MYO16: variants seen among roughly 807,000 people sequenced by gnomAD.
MYO16 encodes the protein myosin XVI.
In MYO16, 94 loss-of-function variants were observed where a neutral mutation model predicts 205.3. The observed-to-expected ratio is 0.46, with a 90% CI of 0.39 to 0.54. The LOEUF (loss-of-function observed/expected upper bound fraction) is 0.54, where lower values mean the gene tolerates loss of function less well. Ranked by LOEUF, MYO16 falls within the 20% of genes least tolerant of loss-of-function variation. MYO16 has a pLI of 0.00. For missense variants in MYO16, 2,315 were observed against 2,387.5 expected, an observed-to-expected ratio of 0.97 and a Z score of 0.63; for synonymous variants, 988 against 954.0, an observed-to-expected ratio of 1.04 and a Z score of -0.66.
At chr13:108,799,813 C>T (rs1348515372) in intron 6 of MYO16, among the ~76,000 whole-genome samples, 1 of 152,094 alleles carries the variant, frequency 6.6e-6, no homozygotes, top group Non-Finnish European at 1.5e-5. Flanking sequence ...TATTTTTCCT[C>T]TTGGCGCTTT....
chr13:108,575,051 G>T, the MYO16 span, among the ~76,000 whole-genome samples: 7 of 152,210 alleles, frequency 4.6e-5, no homozygotes, highest in East Asian at 1.4e-3. Flanking sequence ...CTAGTATAAG[G>T]TGTACTCACA....
intron 5 of MYO16, among the ~76,000 whole-genome samples, chr13:108,789,954 A>G (rs1886567346): frequency 6.6e-6 from 1 of 152,228 alleles, no homozygotes; most frequent in African/African-American, 2.4e-5. Flanking sequence ...TTTCCTTACA[A>G]GTACCACAGA....
intron 9 of MYO16, among the ~76,000 whole-genome samples, chr13:108,832,206 A>C (rs1024421817): frequency 4.1e-5 from 6 of 145,054 alleles, no homozygotes; most frequent in Admixed American, 1.4e-4. Context: ...GCAATGGCAC[A>C]ATCTTGGCTT....
At chr13:108,702,838 C>A (rs1399486065) in intron 2 of MYO16, among the ~76,000 whole-genome samples, 1 of 151,934 alleles carries the variant, frequency 6.6e-6, no homozygotes, top group Non-Finnish European at 1.5e-5. Context: ...AGTTTTTGTA[C>A]ACTCTTGAAA....
At chr13:108,952,616 C>T (rs1883199751) in intron 16 of MYO16, among the ~76,000 whole-genome samples, 2 of 152,154 alleles carry the variant, frequency 1.3e-5, no homozygotes, top group African/African-American at 2.4e-5. Context: ...TTTTATTCCT[C>T]TATAGCACCA....
the MYO16 span, among the ~76,000 whole-genome samples, chr13:108,502,977 T>G: frequency 2.0e-5 from 3 of 152,196 alleles, no homozygotes; most frequent in Admixed American, 2.0e-4. Context: ...GAATATATTT[T>G]TATATTGAGT....
chr13:108,616,796 T>C (rs1879365398), intron 1 of MYO16, among the ~76,000 whole-genome samples: 1 of 152,130 alleles, frequency 6.6e-6, no homozygotes, highest in African/African-American at 2.4e-5. Flanking sequence ...TATTCATTTA[T>C]CTCCCTACGT....
At chr13:108,595,574 A>C (rs140607367), upstream of MYO16, among the ~76,000 whole-genome samples, 121 of 152,328 alleles carry the variant, frequency 7.9e-4, no homozygotes, top group South Asian at 2.9e-3. Context: ...GCTCCCCTGC[A>C]GATGCTCAAG....
At chr13:108,793,151 T>G (rs947477802) in intron 5 of MYO16, among the ~76,000 whole-genome samples, 1 of 151,622 alleles carries the variant, frequency 6.6e-6, no homozygotes, top group Non-Finnish European at 1.5e-5. Context: ...CCGGGCGCAG[T>G]GGCGGGCGCC....
intron 9 of MYO16, among the ~76,000 whole-genome samples, chr13:108,841,498 G>A (rs1052441003): frequency 6.6e-6 from 1 of 152,040 alleles, no homozygotes; most frequent in African/African-American, 2.4e-5. Context: ...GGTAACATTG[G>A]GTTATGAAAG....
intron 10 of MYO16, among the ~76,000 whole-genome samples, chr13:108,846,122 T>C (rs1176149576): frequency 2.6e-5 from 4 of 152,228 alleles, no homozygotes; most frequent in African/African-American, 7.2e-5. Flanking sequence ...TTTCTGGTTA[T>C]GATTTAATAC....
intron 9 of MYO16, among the ~76,000 whole-genome samples, chr13:108,844,020 C>G (rs1877382097): frequency 6.6e-6 from 1 of 152,034 alleles, no homozygotes; most frequent in South Asian, 2.1e-4. Context: ...TAAATCTTGT[C>G]TAGTTCAGCC....
At chr13:109,045,195 G>T (rs777167828) in intron 23 of MYO16, among the ~76,000 whole-genome samples, 2 of 152,188 alleles carry the variant, frequency 1.3e-5, no homozygotes, top group Admixed American at 1.3e-4. Flanking sequence ...CAAGCCTCTA[G>T]ATGGAGGTTT....
At chr13:108,728,604 T>C (rs945227619) in intron 4 of MYO16, among the ~76,000 whole-genome samples, 2 of 152,242 alleles carry the variant, frequency 1.3e-5, no homozygotes, top group Admixed American at 6.5e-5. Context: ...CCTTAGATTA[T>C]AGCAGCATCA....
chr13:109,066,781 G>T (rs1175346526), intron 27 of MYO16, among the ~76,000 whole-genome samples: 1 of 152,098 alleles, frequency 6.6e-6, no homozygotes, highest in African/African-American at 2.4e-5. Context: ...CCAGTAAACC[G>T]ACAAAAACAG....
chr13:108,892,951 A>G (rs937027578), intron 14 of MYO16, among the ~76,000 whole-genome samples: 4 of 152,226 alleles, frequency 2.6e-5, no homozygotes, highest in Non-Finnish European at 5.9e-5. Context: ...TTATAATATC[A>G]GTGCATATTT....
chr13:108,806,680 T>C lies in MYO16; in HGVS notation c.743T>C (p.Leu248Ser). ...NEKNDEGVTL[L>S]HMACASGYKE... ...TAATAAGATGTCTCTTCGCTGCAGT[T>C]ACACATGGCGTGTGCGAGTGGCTAC... is the stretch of plus-strand genomic sequence containing the variant. The change falls in exon 7 of 35, where the codon TTA (leucine) becomes TCA (serine). Residue 248 changes from leucine (L) to serine (S), a missense_variant and splice_region_variant. This residue lies in a region of MYO16 where 1,213 missense variants were observed against 1,274.4 expected (regional missense o/e 0.95). Coordinates refer to ENST00000457511, the MANE Select transcript of MYO16 (RefSeq NM_001198950.3). 6.2e-7 allele frequency: 1 copy of C among 1,612,424 alleles called. No homozygotes were observed. The highest frequency in any genetic ancestry group is 8.5e-7 in the Non-Finnish European group (1 of 1,178,758).
rs564843296 is a variant in MYO16, at chr13:109,079,759, A to G, written c.3336-21026A>G. On this transcript the variant is annotated intron_variant, in intron 27 of 34. Transcript: ENST00000457511. ...CCCTTGTATCTAAAATGAAAGTTAAAATAAAGTAAAATTGAATAAAATAAA... is the reference window on the plus strand; with the variant it reads ...CCCTTGTATCTAAAATGAAAGTTAAGATAAAGTAAAATTGAATAAAATAAA... Among the ~76,000 whole-genome samples the G allele has an allele frequency of 3.7e-4, 56 of 152,260 alleles. No individual in the cohort carries two copies. The South Asian group carries it at 0.011, about 30-fold the overall frequency.
intron 1 of MYO16, among the ~76,000 whole-genome samples, chr13:108,612,289 A>G (rs1879205206): frequency 6.6e-6 from 1 of 152,182 alleles, no homozygotes; most frequent in Admixed American, 6.5e-5. Flanking sequence ...TTAACAAGGA[A>G]AAAGGAAAAA....
Sources: allele counts gnomAD v4.1 joint callset (sites outside exome capture counted in the v4.1 genomes callset), GRCh38; gene constraint gnomAD v4.1.1; regional missense constraint gnomAD v4.1.1; transcripts MANE v1.5; gene names NCBI Gene and HGNC (gene_info 2026-07-23, HGNC 2026-07-21).